The following CHL1 variants were observed in gnomAD, a reference collection of about 807,000 sequenced individuals.
The protein encoded by CHL1 is neural cell adhesion molecule L1-like protein.
A neutral mutation model predicts 141.9 loss-of-function variants in CHL1; 96 were observed. The ratio of observed to expected loss-of-function variants is 0.68; its 90% CI spans 0.57 to 0.80. The LOEUF is 0.80. Among genes scored for constraint, CHL1 ranks in the 30% least tolerant of loss-of-function variants. The pLI is 0.00. For synonymous variants in CHL1, 613 were observed against 502.2 expected, an observed-to-expected ratio of 1.22 and a Z score of -2.95; for missense variants, 1,820 against 1,457.2, an observed-to-expected ratio of 1.25 and a Z score of -4.05.
At chr3:360,150 A>T (rs1018095396) in intron 11 of CHL1, 134 bp from the exon 12 acceptor site, 14 of 868,876 alleles carry the variant, frequency 1.6e-5, no homozygotes, top group African/African-American at 1.7e-5. Context: ...AACCTAAAGA[A>T]TTGGCTTCAA....
rs1709544117 is a variant in CHL1 at position 406,543 on chromosome 3, T to C, written c.*832T>C. 6.6e-6 allele frequency: 1 copy of C among 152,110 alleles called. No individual in the cohort carries two copies. Among genetic ancestry groups the C allele is most frequent in the African/African-American group, 2.4e-5 (1 of 41,424 alleles). 9.4% of individuals were successfully genotyped at this position (152,110 alleles called of 1,614,324 possible). On this transcript the variant is annotated 3_prime_UTR_variant, in exon 28 of 28. Coordinates refer to ENST00000256509, the MANE Select transcript of CHL1 (RefSeq NM_006614.4). ...TTAATATCTTCATTTCTAAATTGAC[T>C]GCTTTTACCTTTTTCTCATGTTTAT...
intron 23 of CHL1, 101 bp downstream of exon 23, chr3:391,898 G>A: frequency 1.0e-6 from 1 of 958,288 alleles, no homozygotes; most frequent in East Asian, 2.7e-5. Flanking sequence ...TTAAGGCCAT[G>A]GTTTGTAAGC....
At chr3:322,306 A>AT (rs1220113003) in intron 3 of CHL1, among the ~76,000 whole-genome samples, 1 of 151,770 alleles carries the variant, frequency 6.6e-6, no homozygotes, top group Non-Finnish European at 1.5e-5. Context: ...GAAAAATTAA[A>AT]AAAATAGAAT....
At chr3:202,783 C>T (rs960122671) in intron 1 of CHL1, among the ~76,000 whole-genome samples, 1 of 152,208 alleles carries the variant, frequency 6.6e-6, no homozygotes, top group African/African-American at 2.4e-5. Context: ...GTTTAAATAG[C>T]ACTTTATTCT....
rs1453517731 is a variant in CHL1, at chr3:366,137, G to A, written c.1751+22G>A. ...GCAGGTAGGTAAACTATTATGATAT[G>A]TCATAATATTTGCTTGGGGTAAACA... On this transcript the variant is annotated intron_variant, in intron 15 of 27. Coordinates refer to ENST00000256509, the MANE Select transcript of CHL1 (RefSeq NM_006614.4). 1.3e-6 allele frequency: 2 copies of A among 1,594,412 alleles called. 1 individual carries two copies. The highest frequency in any genetic ancestry group is 3.4e-5 in the Admixed American group (2 of 58,000).
chr3:360,548 C>T, intron 12 of CHL1, 124 bp downstream of exon 12: 1 of 966,426 alleles, frequency 1.0e-6, no homozygotes, highest in Non-Finnish European at 1.5e-6. Flanking sequence ...CTACTTTTCA[C>T]CATACATTTG....
intron 2 of CHL1, among the ~76,000 whole-genome samples, chr3:250,788 T>A (rs377489423): frequency 1.3e-5 from 2 of 152,170 alleles, no homozygotes; most frequent in African/African-American, 4.8e-5. Context: ...ATTTTAAACC[T>A]GTGCCATGTG....
chr3:373,435 G>A (rs981569697), intron 15 of CHL1, among the ~76,000 whole-genome samples: 1 of 152,238 alleles, frequency 6.6e-6, no homozygotes, highest in Non-Finnish European at 1.5e-5. Context: ...GGCTGTGGGG[G>A]ACGTGTCTTG....
intron 24 of CHL1, among the ~76,000 whole-genome samples, chr3:395,517 A>G (rs894526890): frequency 6.6e-6 from 1 of 152,186 alleles, no homozygotes; most frequent in African/African-American, 2.4e-5. Flanking sequence ...TTTCTATGAT[A>G]GCAACAGGAC....
At chr3:390,154 A>C (rs868523311) in intron 20 of CHL1, among the ~76,000 whole-genome samples, 9 of 152,350 alleles carry the variant, frequency 5.9e-5, no homozygotes, top group African/African-American at 1.7e-4. Flanking sequence ...CTACCCAAAT[A>C]AAAGCACACA....
Position 311,570 on chromosome 3 carries a change from T to C in CHL1, c.-94-8113T>C, listed in dbSNP as rs529957816. ...CCCAGCTGCTCCCACATAATCCAAATATCACCTGGAGGAGAGATAGCACCT... is the reference window on the plus strand; with the variant it reads ...CCCAGCTGCTCCCACATAATCCAAACATCACCTGGAGGAGAGATAGCACCT... On this transcript the variant is annotated intron_variant, in intron 2 of 27. Coordinates refer to ENST00000256509, the MANE Select transcript of CHL1 (RefSeq NM_006614.4). Among the ~76,000 whole-genome samples the C allele has an allele frequency of 2.0e-5, 3 of 152,072 alleles. No homozygotes were observed. In the South Asian group the frequency reaches 6.2e-4, roughly 32 times the overall value.
intron 5 of CHL1, among the ~76,000 whole-genome samples, chr3:331,364 C>A (rs956025981): frequency 6.6e-6 from 1 of 152,108 alleles, no homozygotes; most frequent in Non-Finnish European, 1.5e-5. Flanking sequence ...TTCTGAGTAA[C>A]TAGGACTACA....
At chr3:214,117 G>T (rs1214268068) in intron 1 of CHL1, among the ~76,000 whole-genome samples, 3 of 152,132 alleles carry the variant, frequency 2.0e-5, no homozygotes, top group Admixed American at 2.0e-4. Flanking sequence ...TCATCATAGG[G>T]CTCTTTGGTG....
At chr3:259,274 G>A (rs142299459) in intron 2 of CHL1, among the ~76,000 whole-genome samples, 15 of 151,850 alleles carry the variant, frequency 9.9e-5, no homozygotes, top group African/African-American at 2.9e-4. Context: ...GTGTGCACAC[G>A]TGCGTGTGTG....
chr3:348,120 G>C (rs1480930040), intron 9 of CHL1, among the ~76,000 whole-genome samples: 1 of 152,138 alleles, frequency 6.6e-6, no homozygotes, highest in Non-Finnish European at 1.5e-5. Flanking sequence ...TAAGACTATA[G>C]AGTTAGGAAG....
intron 10 of CHL1, among the ~76,000 whole-genome samples, chr3:351,806 C>T (rs768632725): frequency 6.6e-6 from 1 of 152,044 alleles, no homozygotes; most frequent in Non-Finnish European, 1.5e-5. Flanking sequence ...AATCAGACTG[C>T]ACTTCAAATC....
chr3:265,916 G>A (rs75038836), intron 2 of CHL1, among the ~76,000 whole-genome samples: 22 of 152,220 alleles, frequency 1.4e-4, no homozygotes, highest in African/African-American at 3.1e-4. Context: ...ATAACAAGCC[G>A]TCTAATAAAC....
chr3:317,068 G>A (rs574410434), intron 2 of CHL1, among the ~76,000 whole-genome samples: 20 of 152,066 alleles, frequency 1.3e-4, no homozygotes, highest in Admixed American at 3.9e-4. Context: ...CTTGAACGGG[G>A]TCACATTTAA....
At chr3:345,146 A>T (rs1310866450) in intron 9 of CHL1, among the ~76,000 whole-genome samples, 1 of 152,162 alleles carries the variant, frequency 6.6e-6, no homozygotes, top group Admixed American at 6.6e-5. Context: ...GATATTGTGG[A>T]TGGAGGGGAT....
Sources: allele counts gnomAD v4.1 joint callset (sites outside exome capture counted in the v4.1 genomes callset), GRCh38; gene constraint gnomAD v4.1.1; transcripts MANE v1.5; gene names NCBI Gene and HGNC (gene_info 2026-07-23, HGNC 2026-07-21).